DYM: variants seen among roughly 807,000 people sequenced by gnomAD.
The protein encoded by DYM is dyggve-Melchior-Clausen syndrome protein.
DYM carries 78 observed loss-of-function variants against 93.1 expected under a neutral mutation model. The ratio of observed to expected loss-of-function variants is 0.84; its 90% CI spans 0.70 to 1.01. DYM has a LOEUF of 1.01. Ranked by LOEUF, DYM falls within the 50% of genes least tolerant of loss-of-function variation. DYM has a pLI of 0.00. For synonymous variants in DYM, 321 were observed against 319.7 expected, an observed-to-expected ratio of 1.00 and a Z score of -0.04; for missense variants, 789 against 845.0, an observed-to-expected ratio of 0.93 and a Z score of 0.82.
Position 49,257,002 on chromosome 18 carries a change from A to T in DYM, c.1460+8T>A, listed in dbSNP as rs1175598571. 2 of 1,608,390 alleles carry T rather than the reference A, an allele frequency of 1.2e-6. No individual in the cohort carries two copies. The highest frequency in any genetic ancestry group is 1.7e-6 in the Non-Finnish European group (2 of 1,174,826). On this transcript the variant is annotated splice_region_variant and intron_variant, in intron 13 of 17. Coordinates refer to ENST00000675505, the MANE Select transcript of DYM (RefSeq NM_001353214.3). ...CAAATCAGTATTTCTTTTAAAGTTC[A>T]TATTTACCTGATGATCCTCTGGGCA... is the stretch of plus-strand genomic sequence containing the variant.
At chr18:49,455,367 A>C (rs2082895665) in intron 1 of DYM, among the ~76,000 whole-genome samples, 1 of 152,168 alleles carries the variant, frequency 6.6e-6, no homozygotes, top group Non-Finnish European at 1.5e-5. Flanking sequence ...GTCCATCTCT[A>C]ATTCTCATCT....
At chr18:49,256,455 A>G (rs559256161) in intron 13 of DYM, among the ~76,000 whole-genome samples, 2 of 152,196 alleles carry the variant, frequency 1.3e-5, no homozygotes, top group Non-Finnish European at 2.9e-5. Flanking sequence ...AGAGGCATGG[A>G]AACAGATTCT....
chr18:49,095,142 G>GCTGT (rs2079428695), intron 17 of DYM, among the ~76,000 whole-genome samples: 1 of 152,108 alleles, frequency 6.6e-6, no homozygotes, highest in Non-Finnish European at 1.5e-5. Context: ...ACTATAATGT[G>GCTGT]CTGTCATGTA....
At chr18:49,133,835 T>C (rs1253157923) in intron 15 of DYM, among the ~76,000 whole-genome samples, 1 of 152,258 alleles carries the variant, frequency 6.6e-6, no homozygotes, top group Non-Finnish European at 1.5e-5. Context: ...ACCTTAGTTA[T>C]ATCTGCAAAG....
At chr18:49,367,279 C>T (rs139774084) in intron 5 of DYM, among the ~76,000 whole-genome samples, 115 of 152,316 alleles carry the variant, frequency 7.6e-4, no homozygotes, top group African/African-American at 2.6e-3. Context: ...AATCCCAGCC[C>T]TATCCCTGGA....
intron 5 of DYM, 69 bp downstream of exon 5, chr18:49,378,498 T>A: frequency 1.4e-6 from 2 of 1,438,226 alleles, no homozygotes; most frequent in South Asian, 2.4e-5. Context: ...ATCATACTTT[T>A]ATTCCTGAAA....
chr18:49,367,148 A>G (rs2066599454), intron 5 of DYM, among the ~76,000 whole-genome samples: 1 of 152,222 alleles, frequency 6.6e-6, no homozygotes, highest in African/African-American at 2.4e-5. Flanking sequence ...ATGACACACT[A>G]TGTATTCATC....
At chr18:49,340,133 T>C (rs551890932) in intron 6 of DYM, among the ~76,000 whole-genome samples, 2 of 152,164 alleles carry the variant, frequency 1.3e-5, no homozygotes, top group South Asian at 2.1e-4. Context: ...TCTGTATTTT[T>C]AGTAGAGACG....
chr18:49,088,895 G>A (rs573992507), intron 17 of DYM, among the ~76,000 whole-genome samples: 8 of 152,248 alleles, frequency 5.3e-5, no homozygotes, highest in East Asian at 1.9e-4. Flanking sequence ...GGGCACAAGC[G>A]ATCCTCCTGC....
chr18:49,312,793 A>G (rs2061680566), intron 8 of DYM, among the ~76,000 whole-genome samples: 1 of 152,128 alleles, frequency 6.6e-6, no homozygotes. Context: ...CAGAGTGACT[A>G]AGAAGAAAAA....
rs142010908 is a variant in DYM, at chr18:49,371,060, A to C, written c.421+7507T>G. 6.4e-4 allele frequency among the ~76,000 whole-genome samples: 97 copies of C among 152,348 alleles called. 2 individuals carry two copies. In the East Asian group the frequency reaches 0.017, roughly 26 times the overall value. ...GAATGAAGCCCACTGACTAAGCCTC[A>C]GTCAGTGGCAAGGAATGGGGCCTGA... On this transcript the variant is annotated intron_variant, in intron 5 of 17. Coordinates refer to ENST00000675505, the MANE Select transcript of DYM (RefSeq NM_001353214.3).
intron 13 of DYM, among the ~76,000 whole-genome samples, chr18:49,212,276 A>C (rs1306459186): frequency 6.6e-6 from 1 of 152,212 alleles, no homozygotes; most frequent in East Asian, 1.9e-4. Context: ...TTTTTTACTT[A>C]AAATAGTTTT....
intron 6 of DYM, among the ~76,000 whole-genome samples, chr18:49,351,332 C>T (rs2065106320): frequency 6.6e-6 from 1 of 152,034 alleles, no homozygotes; most frequent in South Asian, 2.1e-4. Flanking sequence ...GATTGTGCCA[C>T]TGCACTCCAG....
intron 6 of DYM, among the ~76,000 whole-genome samples, chr18:49,354,598 C>A (rs1237790704): frequency 6.6e-6 from 1 of 151,976 alleles, no homozygotes; most frequent in Non-Finnish European, 1.5e-5. Flanking sequence ...AGCAAGAACA[C>A]AACCCAATTA....
chr18:49,373,376 G>A (rs2067218553), intron 5 of DYM, among the ~76,000 whole-genome samples: 2 of 152,226 alleles, frequency 1.3e-5, no homozygotes, highest in East Asian at 1.9e-4. Context: ...GCTAAACAAG[G>A]GGTAGATTAT....
intron 8 of DYM, among the ~76,000 whole-genome samples, chr18:49,327,431 A>G (rs1412974104): frequency 2.0e-5 from 3 of 152,086 alleles, no homozygotes; most frequent in African/African-American, 7.2e-5. Flanking sequence ...ATCACAGCAC[A>G]CTGCAGCCTC....
chr18:49,296,988 T>C (rs1156774990), intron 8 of DYM, among the ~76,000 whole-genome samples: 5 of 152,210 alleles, frequency 3.3e-5, no homozygotes, highest in African/African-American at 4.8e-5. Context: ...CTCCAACTTA[T>C]AAACTTAATT....
intron 2 of DYM, among the ~76,000 whole-genome samples, chr18:49,394,708 T>C (rs1340155800): frequency 6.6e-6 from 1 of 152,206 alleles, no homozygotes; most frequent in Non-Finnish European, 1.5e-5. Context: ...ATTTTTTTCA[T>C]CAATATCTTA....
intron 6 of DYM, among the ~76,000 whole-genome samples, chr18:49,343,850 G>A (rs1048122521): frequency 2.0e-5 from 3 of 151,868 alleles, no homozygotes; most frequent in South Asian, 4.1e-4. Context: ...GTTCATGCCT[G>A]TAATCCCAGC....
Sources: gnomAD v4.1 joint callset for allele counts (sites outside exome capture counted in the v4.1 genomes callset) on GRCh38, gnomAD v4.1.1 for gene constraint, MANE v1.5 for transcripts, NCBI Gene and HGNC (gene_info 2026-07-23, HGNC 2026-07-21) for gene names.